PABIR3: variants seen among roughly 807,000 people sequenced by gnomAD.
PABIR3 encodes PABIR family member 3.
PABIR3 carries 20 observed loss-of-function variants against 23.1 expected under a neutral mutation model. The observed-to-expected ratio is 0.86, with a 90% confidence interval of 0.61 to 1.26. The LOEUF (loss-of-function observed/expected upper bound fraction) is 1.26. Ranked by LOEUF, PABIR3 falls within the 50% of genes most tolerant of loss-of-function variation. The pLI, the probability that PABIR3 is intolerant of heterozygous loss-of-function variation, is 0.00. For synonymous variants in PABIR3, 69 were observed against 68.5 expected (o/e 1.01, Z -0.04); for missense variants, 189 against 195.4 (o/e 0.97, Z 0.20).
At chrX:134,861,190 G>T in the PABIR3 span, among the ~76,000 whole-genome samples, 6 of 109,946 alleles carry the variant, frequency 5.5e-5, no homozygotes, top group Non-Finnish European at 9.5e-5. Flanking sequence ...CAGGAGAATC[G>T]CTTGAACCCA....
chrX:134,849,118 A>AT, intron 8 of PABIR3, 49 bp from the exon 9 acceptor site: 1 of 677,680 alleles, frequency 1.5e-6, no homozygotes, highest in Non-Finnish European at 2.0e-6. Context: ...GTCATTGTTG[A>AT]TTTTGTTAAA....
At chrX:134,797,889 T>G (rs2079946773) in intron 1 of PABIR3, among the ~76,000 whole-genome samples, 1 of 107,940 alleles carries the variant, frequency 9.3e-6, no homozygotes, top group Non-Finnish European at 1.9e-5. Context: ...CTTGTCTCAC[T>G]GCAACCTCTG....
At chrX:134,801,475 A>G (rs1467996488) in intron 1 of PABIR3, among the ~76,000 whole-genome samples, 1 of 112,581 alleles carries the variant, frequency 8.9e-6, no homozygotes, top group Non-Finnish European at 1.9e-5. Flanking sequence ...TTAAGGCCTG[A>G]TGATCATCAG....
chrX:134,853,357 G>A (rs1398793546), intron 10 of PABIR3, among the ~76,000 whole-genome samples: 1 of 111,398 alleles, frequency 9.0e-6, no homozygotes, highest in South Asian at 3.7e-4. Context: ...CGTGAGTCAC[G>A]TCACCTGGCA....
At chrX:134,845,056 A>T in intron 4 of PABIR3, 149 bp from the exon 5 acceptor site, 1 of 490,483 alleles carries the variant, frequency 2.0e-6, no homozygotes, top group Non-Finnish European at 3.5e-6. Context: ...TAAAGGGCAG[A>T]GAACCAGATA....
At chrX:134,805,570 G>T (rs769333980), upstream of PABIR3, among the ~76,000 whole-genome samples, 5 of 112,170 alleles carry the variant, frequency 4.5e-5, no homozygotes, top group African/African-American at 1.6e-4. Context: ...GCTGAGCAGG[G>T]TTGATGATTG....
At chrX:134,810,192 C>T in intron 2 of PABIR3, 1 of 754,177 alleles carries the variant, frequency 1.3e-6, no homozygotes, top group Non-Finnish European at 1.6e-6. Context: ...TTAAATACAC[C>T]AGAGAAGGAG....
chrX:134,848,159 G>A (rs1174755779), intron 8 of PABIR3, among the ~76,000 whole-genome samples, 188 bp downstream of exon 8: 1 of 111,243 alleles, frequency 9.0e-6, no homozygotes, highest in African/African-American at 3.3e-5. Flanking sequence ...GGGAGGCCGA[G>A]GCGGGTGGAT....
intron 4 of PABIR3, among the ~76,000 whole-genome samples, chrX:134,839,771 G>A (rs1362259815): frequency 2.0e-5 from 2 of 102,494 alleles, no homozygotes; most frequent in Admixed American, 1.1e-4. Flanking sequence ...CAGCCGCCTC[G>A]TCCGGGAGGT....
chrX:134,824,935 T>C (rs2081440889), intron 3 of PABIR3, among the ~76,000 whole-genome samples: 1 of 112,531 alleles, frequency 8.9e-6, no homozygotes, highest in African/African-American at 3.2e-5. Flanking sequence ...ACCCTTAGCA[T>C]GTCCAACACC....
chrX:134,834,867 A>T (rs187863415), intron 4 of PABIR3, among the ~76,000 whole-genome samples: 72 of 110,952 alleles, frequency 6.5e-4, no homozygotes, highest in African/African-American at 2.2e-3. Context: ...CCATTGGTCT[A>T]TATCTCTGTT....
upstream of PABIR3, chrX:134,807,077 C>T (rs989613185): frequency 6.8e-5 from 41 of 606,690 alleles, no homozygotes; most frequent in Middle Eastern, 2.9e-3. Flanking sequence ...GGGGATAAAG[C>T]GGTTTCTTAA....
intron 2 of PABIR3, among the ~76,000 whole-genome samples, chrX:134,812,465 A>T (rs1343394164): frequency 8.9e-6 from 1 of 112,217 alleles, no homozygotes; most frequent in Non-Finnish European, 1.9e-5. Flanking sequence ...CATTCACAAA[A>T]TATTAAGTTA....
chrX:134,860,362 T>A, the PABIR3 span, among the ~76,000 whole-genome samples: 1 of 112,076 alleles, frequency 8.9e-6, no homozygotes, highest in Non-Finnish European at 1.9e-5. Flanking sequence ...GTACTGGAAT[T>A]ACAGGCGGGA....
chrX:134,804,668 T>A (rs2080153698), upstream of PABIR3, among the ~76,000 whole-genome samples: 1 of 112,660 alleles, frequency 8.9e-6, no homozygotes, highest in African/African-American at 3.2e-5. Context: ...AAAATATACG[T>A]ATGAAACCTT....
intron 4 of PABIR3, among the ~76,000 whole-genome samples, chrX:134,836,944 C>T (rs2148291951): frequency 9.0e-6 from 1 of 111,587 alleles, no homozygotes; most frequent in East Asian, 2.8e-4. Flanking sequence ...TGGTTCGTGC[C>T]TGTAATTCCA....
intron 7 of PABIR3, 56 bp from the exon 8 acceptor site, chrX:134,847,827 A>T: frequency 1.0e-6 from 1 of 995,171 alleles, no homozygotes; most frequent in Non-Finnish European, 1.4e-6. Context: ...GAAACCAATG[A>T]TCTGCTTTCC....
chrX:134,822,378 T>G (rs1241826930), intron 3 of PABIR3: 7 of 750,795 alleles, frequency 9.3e-6, no homozygotes, highest in Non-Finnish European at 1.1e-5. Context: ...ATTTCTCACA[T>G]TATTACTAAA....
At position 134,813,018 on chromosome X, in the gene PABIR3, C is replaced by T. The variant is rs183503700; in HGVS notation, c.111-1753C>T. On this transcript the variant is annotated intron_variant, in intron 2 of 10. Transcript: ENST00000645433. ...CTTTCCTGGGCAGGACTGTACTGTA[C>T]TCTGAGATTGTTATTCTCTTATTTT... 6.3e-5 allele frequency among the ~76,000 whole-genome samples: 7 copies of T among 111,580 alleles called. No individual in the cohort carries two copies. In the East Asian group the frequency reaches 1.7e-3, roughly 27 times the overall value.
Sources: allele counts gnomAD v4.1 joint callset (sites outside exome capture counted in the v4.1 genomes callset), GRCh38; gene constraint gnomAD v4.1.1; transcripts MANE v1.5; gene names NCBI Gene and HGNC (gene_info 2026-07-23, HGNC 2026-07-21).